SCAI: variants seen among roughly 807,000 people sequenced by gnomAD.
SCAI encodes protein SCAI.
A neutral mutation model predicts 92.2 loss-of-function variants in SCAI; 24 were observed. That is an observed-to-expected ratio of 0.26 (90% CI 0.19 to 0.37). The LOEUF (loss-of-function observed/expected upper bound fraction) is 0.37. Among genes scored for constraint, SCAI ranks in the 10% least tolerant of loss-of-function variants. SCAI has a pLI of 1.00. For missense variants in SCAI, 450 were observed against 736.2 expected, an observed-to-expected ratio of 0.61 and a Z score of 4.50; for synonymous variants, 261 against 258.6, an observed-to-expected ratio of 1.01 and a Z score of -0.09.
At chr9:125,057,649 G>A (rs1461812894) in intron 2 of SCAI, among the ~76,000 whole-genome samples, 3 of 152,198 alleles carry the variant, frequency 2.0e-5, no homozygotes, top group African/African-American at 7.2e-5. Flanking sequence ...GAGCCAGCTT[G>A]CACAGGATGT....
At chr9:124,953,432 G>A (rs1204231678) in intron 17 of SCAI, among the ~76,000 whole-genome samples, 8 of 151,984 alleles carry the variant, frequency 5.3e-5, no homozygotes, top group Admixed American at 5.2e-4. Context: ...TTTGAGACCA[G>A]CCTGGCCAAC....
At chr9:125,092,394 A>G (rs927729567) in intron 2 of SCAI, among the ~76,000 whole-genome samples, 2 of 152,112 alleles carry the variant, frequency 1.3e-5, no homozygotes, top group Non-Finnish European at 2.9e-5. Context: ...CGGAGGCTAC[A>G]GTGAGCCAAG....
chr9:125,103,189 T>C (rs1307720874), intron 2 of SCAI, among the ~76,000 whole-genome samples: 2 of 152,162 alleles, frequency 1.3e-5, no homozygotes, highest in Non-Finnish European at 2.9e-5. Flanking sequence ...CAGTGAGCAA[T>C]CTCTCTCTTG....
intron 2 of SCAI, among the ~76,000 whole-genome samples, chr9:125,086,515 GA>G (rs1834329125): frequency 2.0e-5 from 3 of 152,344 alleles, no homozygotes; most frequent in Non-Finnish European, 4.4e-5. Context: ...AATCTTCTGA[GA>G]AAGAAGACTA....
intron 17 of SCAI, among the ~76,000 whole-genome samples, chr9:124,962,035 T>C (rs1831446160): frequency 6.6e-6 from 1 of 152,126 alleles, no homozygotes; most frequent in South Asian, 2.1e-4. Context: ...AAAGCTCTTT[T>C]GAAAATTATC....
At chr9:125,123,038 T>C (rs1346134267) in intron 2 of SCAI, among the ~76,000 whole-genome samples, 3 of 149,514 alleles carry the variant, frequency 2.0e-5, no homozygotes, top group African/African-American at 7.3e-5. Context: ...GTTACCTCAA[T>C]AGAAAAACAG....
intron 9 of SCAI, among the ~76,000 whole-genome samples, chr9:125,014,763 G>A (rs1014178020): frequency 1.6e-3 from 249 of 152,196 alleles, no homozygotes; most frequent in African/African-American, 5.2e-3. Flanking sequence ...GAGGCATCAC[G>A]CTACCTGACT....
chr9:125,093,625 G>C (rs1288636809), intron 2 of SCAI, among the ~76,000 whole-genome samples: 3 of 149,742 alleles, frequency 2.0e-5, no homozygotes, highest in Non-Finnish European at 4.4e-5. Context: ...GAGTGCAGCA[G>C]TGTGATCTTG....
chr9:125,075,986 C>T lies in SCAI; in HGVS notation c.99-19979G>A, dbSNP rs570690325. On this transcript the variant is annotated intron_variant, in intron 2 of 17. Coordinates refer to ENST00000336505, the MANE Select transcript of SCAI (RefSeq NM_001144877.3). Reference sequence around the variant, plus strand: ...GTGCTGGGATTGCAGGTGTGAGCTACCACACCCAGCCAACAGACATTTCCT... The same window carrying T: ...GTGCTGGGATTGCAGGTGTGAGCTATCACACCCAGCCAACAGACATTTCCT... 7.2e-5 allele frequency among the ~76,000 whole-genome samples: 11 copies of T among 152,206 alleles called. 1 individual carries two copies. In the South Asian group the frequency reaches 2.3e-3, roughly 32 times the overall value.
intron 14 of SCAI, among the ~76,000 whole-genome samples, chr9:124,978,437 T>C (rs1348549036): frequency 6.6e-6 from 1 of 152,202 alleles, no homozygotes; most frequent in Admixed American, 6.5e-5. Flanking sequence ...CGAGACTCCA[T>C]CTCAAAATTC....
chr9:125,014,928 G>A (rs1183481083), intron 9 of SCAI, among the ~76,000 whole-genome samples: 1 of 152,116 alleles, frequency 6.6e-6, no homozygotes, highest in Non-Finnish European at 1.5e-5. Context: ...ACAAGCAATG[G>A]GGAAAGGATT....
At chr9:124,955,606 G>A (rs1831304199) in intron 17 of SCAI, among the ~76,000 whole-genome samples, 1 of 151,630 alleles carries the variant, frequency 6.6e-6, no homozygotes, top group Non-Finnish European at 1.5e-5. Context: ...GGGCAACAGA[G>A]TGAGACTCTG....
intron 2 of SCAI, among the ~76,000 whole-genome samples, chr9:125,090,336 G>C (rs898885464): frequency 6.6e-6 from 1 of 151,784 alleles, no homozygotes; most frequent in African/African-American, 2.4e-5. Flanking sequence ...AAACGAGGGA[G>C]GATGTGGAGG....
intron 3 of SCAI, among the ~76,000 whole-genome samples, chr9:125,046,336 T>C (rs1168065950): frequency 5.2e-5 from 2 of 38,510 alleles, no homozygotes; most frequent in Non-Finnish European, 9.9e-5. Context: ...CACACACATA[T>C]ATATATGTGT....
chr9:125,051,638 C>G (rs1231145732), intron 3 of SCAI, among the ~76,000 whole-genome samples: 3 of 151,928 alleles, frequency 2.0e-5, no homozygotes, highest in Non-Finnish European at 4.4e-5. Flanking sequence ...CACATGTACC[C>G]CATACATATG....
rs776112962 is a variant in SCAI, at chr9:125,003,576, A to G, written c.862-6T>C. ...GTTAGTTCACTGAACTTAACCTGCA[A>G]GAAAAAAAAAAACAAACACAACCTA... On this transcript the variant is annotated splice_region_variant and splice_polypyrimidine_tract_variant and intron_variant, in intron 9 of 17. Coordinates refer to ENST00000336505, the MANE Select transcript of SCAI (RefSeq NM_001144877.3). The G allele has an allele frequency of 1.9e-6, 3 of 1,577,010 alleles. No individual in the cohort carries two copies. The highest frequency in any genetic ancestry group is 1.1e-5 in the South Asian group (1 of 88,412).
Position 125,003,537 on chromosome 9 carries a change from G to A in SCAI, c.895C>T (p.Arg299Trp), listed in dbSNP as rs1832409007. The A allele has an allele frequency of 6.2e-7, 1 of 1,612,972 alleles. No homozygotes were observed. The highest frequency in any genetic ancestry group is 8.5e-7 in the Non-Finnish European group (1 of 1,179,276). ...TCCCTTTCCAGAGCTTGTAACATCC[G>A]GAACATGTCAACAGTTAGTTCACTG... Reference protein sequence around the residue: ...KFSELTVDMFRMLQALEREPM... With the variant: ...KFSELTVDMFWMLQALEREPM... Residue 299 changes from arginine (R) to tryptophan (W), a missense_variant, in exon 10 of 18, where the codon CGG becomes TGG. Arg to Trp is a moderately radical substitution (Grantham distance 101). Transcript: ENST00000336505.
At chr9:125,107,407 CA>C (rs80318027) in intron 2 of SCAI, among the ~76,000 whole-genome samples, 1,513 of 72,718 alleles carry the variant, frequency 0.021, 12 homozygotes, top group Middle Eastern at 0.1. Context: ...GACACTGTCT[CA>C]AAAAAAAAAA....
chr9:125,063,680 CA>C (rs139233843), intron 2 of SCAI, among the ~76,000 whole-genome samples: 11 of 144,358 alleles, frequency 7.6e-5, no homozygotes, highest in South Asian at 2.2e-4. Context: ...AAGTCCCCCT[CA>C]AAAAAAAAAT....
Sources: gnomAD v4.1 joint callset for allele counts (sites outside exome capture counted in the v4.1 genomes callset) on GRCh38, gnomAD v4.1.1 for gene constraint, MANE v1.5 for transcripts, NCBI Gene and HGNC (gene_info 2026-07-23, HGNC 2026-07-21) for gene names.